PCTP: variants seen among roughly 807,000 people sequenced by gnomAD.
PCTP encodes START domain-containing protein 2.
PCTP carries 27 observed loss-of-function variants against 31.0 expected under a neutral mutation model. That is an observed-to-expected ratio of 0.87 (90% confidence interval 0.64 to 1.20). The LOEUF (loss-of-function observed/expected upper bound fraction) is 1.20. PCTP is among the 50% of genes most tolerant of loss of function. The probability of loss-of-function intolerance (pLI) is 0.00; values close to 1 mark genes in which losing one functional copy is unlikely to be tolerated. For synonymous variants in PCTP, 108 were observed against 101.2 expected, an observed-to-expected ratio of 1.07 and a Z score of -0.40; for missense variants, 287 against 268.2, an observed-to-expected ratio of 1.07 and a Z score of -0.49.
In PCTP at chr17:55,774,816, C is replaced by T. The variant is rs200584542; in HGVS notation, c.536C>T (p.Pro179Leu). The T allele has an allele frequency of 1.1e-4, 181 of 1,602,812 alleles. 2 individuals are homozygous for T. The South Asian group carries it at 1.5e-3, about 13-fold the overall frequency. The change falls in exon 5 of 6, where the codon CCG (proline) becomes CTG (leucine). Residue 179 changes from proline (P) to leucine (L), a missense_variant. By Grantham distance (98) the Pro-to-Leu change is moderately conservative (BLOSUM62 -3). Coordinates refer to ENST00000268896, the MANE Select transcript of PCTP (RefSeq NM_021213.4). ...GTTTTCATGTATTACTTCGATAACCCGGGTGGCCAAATTCCGTCCTGGCTC... is the reference window on the plus strand; with the variant it reads ...GTTTTCATGTATTACTTCGATAACCTGGGTGGCCAAATTCCGTCCTGGCTC... ...SKVFMYYFDN[P>L]GGQIPSWLIN...
At chr17:55,800,109 A>T (rs374964110) in intron 3 of PCTP, among the ~76,000 whole-genome samples, 1 of 151,964 alleles carries the variant, frequency 6.6e-6, no homozygotes, top group East Asian at 1.9e-4. Context: ...CCTGAATTTG[A>T]ATATTGGCCT....
chr17:55,811,763 G>C (rs566841286), intron 3 of PCTP, among the ~76,000 whole-genome samples: 14 of 152,336 alleles, frequency 9.2e-5, no homozygotes, highest in African/African-American at 3.4e-4. Flanking sequence ...TCTGCACGGA[G>C]GTCTTGTGAT....
chr17:55,790,728 C>T (rs200838195), intron 3 of PCTP, among the ~76,000 whole-genome samples: 23,801 of 149,572 alleles, frequency 0.16, 4,590 homozygotes, highest in African/African-American at 0.46. Flanking sequence ...GGCCATACTG[C>T]CCAAGGTAAT....
rs754794257 is a variant in PCTP at position 55,776,061 on chromosome 17, C to T, written c.606C>T (p.Asp202=). The part of the protein sequence containing the change: ...AKNGVPNFLK[D]MARACQNYLK... Reference sequence around the variant, plus strand: ...ATGGAGTTCCTAACTTCTTGAAAGACATGGCAAGAGCCTGTCAGAACTACC... The same window carrying T: ...ATGGAGTTCCTAACTTCTTGAAAGATATGGCAAGAGCCTGTCAGAACTACC... Residue 202 remains aspartate (D), a synonymous_variant, in exon 6 of 6, where the codon GAC becomes GAT. Transcript: ENST00000268896. The T allele has an allele frequency of 3.7e-6, 6 of 1,613,886 alleles. No individual in the cohort carries two copies. The South Asian group carries it at 6.6e-5, about 18-fold the overall frequency.
downstream of PCTP, among the ~76,000 whole-genome samples, chr17:55,823,627 C>G (rs887312242): frequency 6.6e-6 from 1 of 152,218 alleles, no homozygotes; most frequent in African/African-American, 2.4e-5. Context: ...AAAACGATGG[C>G]TCCTAGTGTC....
At chr17:55,754,900 C>T (rs1909926571) in intron 1 of PCTP, among the ~76,000 whole-genome samples, 1 of 152,028 alleles carries the variant, frequency 6.6e-6, no homozygotes, top group Admixed American at 6.5e-5. Flanking sequence ...TGTGTATACT[C>T]TATGTCCAAT....
chr17:55,784,969 A>G (rs1302380697), intron 2 of PCTP, among the ~76,000 whole-genome samples: 1 of 152,214 alleles, frequency 6.6e-6, no homozygotes, highest in African/African-American at 2.4e-5. Context: ...ACATCTGTAT[A>G]TAGCACACTG....
chr17:55,778,639 C>T (rs549336763), downstream of PCTP, among the ~76,000 whole-genome samples: 1 of 151,666 alleles, frequency 6.6e-6, no homozygotes, highest in African/African-American at 2.4e-5. Context: ...TCTAGATTTC[C>T]CAGGTTCCCA....
At chr17:55,801,217 AT>A (rs1912366520) in intron 3 of PCTP, among the ~76,000 whole-genome samples, 1 of 152,122 alleles carries the variant, frequency 6.6e-6, no homozygotes, top group African/African-American at 2.4e-5. Flanking sequence ...TATAAAGCAA[AT>A]TCTTAGAGAA....
chr17:55,833,642 A>T (rs1212957015), intron 5 of PCTP, among the ~76,000 whole-genome samples: 16 of 152,326 alleles, frequency 1.1e-4, no homozygotes. Context: ...ACCAATTCAT[A>T]CATTCAGAGG....
At chr17:55,829,480 G>A (rs1277048383) in intron 5 of PCTP, among the ~76,000 whole-genome samples, 2 of 152,024 alleles carry the variant, frequency 1.3e-5, no homozygotes, top group African/African-American at 2.4e-5. Context: ...GCTAATTTTT[G>A]TATTTTTAGT....
At chr17:55,772,395 T>C (rs1008384482) in intron 3 of PCTP, among the ~76,000 whole-genome samples, 1 of 151,934 alleles carries the variant, frequency 6.6e-6, no homozygotes, top group African/African-American at 2.4e-5. Context: ...GAGATCAGCC[T>C]GGCCAACATG....
intron 3 of PCTP, among the ~76,000 whole-genome samples, chr17:55,802,370 G>T (rs187299964): frequency 6.6e-6 from 1 of 152,124 alleles, no homozygotes; most frequent in Non-Finnish European, 1.5e-5. Context: ...ATTTTATGAG[G>T]CCAGCATCAT....
At chr17:55,843,887 A>T (rs1225377786), downstream of PCTP, among the ~76,000 whole-genome samples, 1 of 152,184 alleles carries the variant, frequency 6.6e-6, no homozygotes, top group African/African-American at 2.4e-5. Flanking sequence ...CAAGGTAATG[A>T]ATCTGGGAAC....
At chr17:55,811,905 G>A (rs1912764770) in intron 3 of PCTP, among the ~76,000 whole-genome samples, 1 of 152,158 alleles carries the variant, frequency 6.6e-6, no homozygotes, top group Admixed American at 6.5e-5. Context: ...GTTAAAATGG[G>A]ACAATCTGGG....
intron 1 of PCTP, among the ~76,000 whole-genome samples, chr17:55,754,694 C>T (rs548879437): frequency 1.3e-5 from 2 of 152,280 alleles, no homozygotes; most frequent in East Asian, 3.9e-4. Context: ...TTCCTTCTTC[C>T]AGGGTATGAG....
intron 3 of PCTP, among the ~76,000 whole-genome samples, chr17:55,792,531 G>A (rs978748942): frequency 2.0e-5 from 3 of 152,022 alleles, no homozygotes; most frequent in East Asian, 1.9e-4. Context: ...AGAACTGTGC[G>A]GCCAGAAAAA....
rs900042571 is a variant in PCTP, at chr17:55,776,371, A to G, written c.*271A>G. The G allele has an allele frequency of 1.7e-5, 22 of 1,301,824 alleles. No individual in the cohort carries two copies. The highest frequency in any genetic ancestry group is 3.8e-5 in the Admixed American group (1 of 26,400). 80.6% of individuals were successfully genotyped at this position (1,301,824 alleles called of 1,614,324 possible). ...CTGGGCTGCCTTCTTCTACAGTTCA[A>G]TATGGGGCAGACTAGGGAAACCTTT... On this transcript the variant is annotated 3_prime_UTR_variant, in exon 6 of 6. Coordinates refer to ENST00000268896, the MANE Select transcript of PCTP (RefSeq NM_021213.4).
At chr17:55,849,807 T>C in the PCTP span, among the ~76,000 whole-genome samples, 3 of 152,050 alleles carry the variant, frequency 2.0e-5, no homozygotes, top group African/African-American at 2.4e-5. Context: ...TTATCCTAGA[T>C]TCAAAAATTC....
Sources: allele counts gnomAD v4.1 joint callset (sites outside exome capture counted in the v4.1 genomes callset), GRCh38; gene constraint gnomAD v4.1.1; transcripts MANE v1.5; gene names NCBI Gene and HGNC (gene_info 2026-07-23, HGNC 2026-07-21).